The following NEGR1 variants were observed in gnomAD, a reference collection of about 807,000 sequenced individuals.
NEGR1 encodes IgLON family member 4.
In NEGR1, 10 loss-of-function variants were observed where a neutral mutation model predicts 40.9. The observed-to-expected ratio is 0.24, with a 90% CI of 0.15 to 0.42. The LOEUF is 0.42. Among genes scored for constraint, NEGR1 ranks in the 10% least tolerant of loss-of-function variants. The pLI is 1.00. For synonymous variants in NEGR1, 185 were observed against 166.8 expected (o/e 1.11, Z -0.84); for missense variants, 352 against 438.9 (o/e 0.80, Z 1.77).
At chr1:71,650,122 A>G (rs1651662402) in intron 4 of NEGR1, among the ~76,000 whole-genome samples, 1 of 152,138 alleles carries the variant, frequency 6.6e-6, no homozygotes. Flanking sequence ...ATCTTCAAAT[A>G]AAAAGAAATG....
intron 6 of NEGR1, among the ~76,000 whole-genome samples, chr1:71,584,849 T>G (rs1649250975): frequency 6.6e-6 from 1 of 152,166 alleles, no homozygotes; most frequent in Non-Finnish European, 1.5e-5. Flanking sequence ...TACAAAGTCC[T>G]AATAGTCACA....
intron 2 of NEGR1, among the ~76,000 whole-genome samples, chr1:71,861,001 T>C (rs529033604): frequency 2.6e-5 from 4 of 152,206 alleles, no homozygotes; most frequent in African/African-American, 9.6e-5. Flanking sequence ...TGCTAACGAT[T>C]AAAAGCTAAG....
chr1:72,248,607 T>TC (rs1654984599), intron 1 of NEGR1, among the ~76,000 whole-genome samples: 1 of 147,126 alleles, frequency 6.8e-6, no homozygotes, highest in African/African-American at 2.5e-5. Flanking sequence ...TTATTATTAT[T>TC]ATTATTATTT....
rs146383606 is a variant in NEGR1 at position 71,409,295 on chromosome 1, A to G, written c.941-1725T>C. 2.3e-3 allele frequency among the ~76,000 whole-genome samples: 352 copies of G among 152,124 alleles called. 3 individuals carry two copies. Among genetic ancestry groups the G allele is most frequent in the African/African-American group, 8.2e-3 (340 of 41,542 alleles). ...TGACCTTCTCAATAGTAGTTATGCT[A>G]GAGTTGTTTTTCAAGAATGTCAAGT... On this transcript the variant is annotated intron_variant, in intron 6 of 6. Coordinates refer to ENST00000357731, the MANE Select transcript of NEGR1 (RefSeq NM_173808.3).
intron 6 of NEGR1, among the ~76,000 whole-genome samples, chr1:71,502,503 G>A (rs1035622814): frequency 4.6e-5 from 7 of 152,124 alleles, no homozygotes; most frequent in African/African-American, 1.7e-4. Flanking sequence ...CTTTGGATTT[G>A]GATGGGTGAA....
intron 5 of NEGR1, among the ~76,000 whole-genome samples, chr1:71,594,848 T>C (rs1375816903): frequency 6.6e-6 from 1 of 152,218 alleles, no homozygotes; most frequent in East Asian, 1.9e-4. Flanking sequence ...ATCTTTGTGA[T>C]AGACACATTC....
intron 6 of NEGR1, among the ~76,000 whole-genome samples, chr1:71,487,698 T>C (rs1646896025): frequency 6.6e-6 from 1 of 151,776 alleles, no homozygotes; most frequent in Admixed American, 6.6e-5. Context: ...ATTTTGCTTA[T>C]GAGTAGTTTG....
At chr1:72,178,341 C>T (rs564888174) in intron 1 of NEGR1, among the ~76,000 whole-genome samples, 1 of 151,838 alleles carries the variant, frequency 6.6e-6, no homozygotes, top group African/African-American at 2.4e-5. Context: ...ATTTATTGGT[C>T]CACTTCTTCT....
chr1:71,531,661 C>T (rs1647358950), intron 6 of NEGR1, among the ~76,000 whole-genome samples: 2 of 151,236 alleles, frequency 1.3e-5, no homozygotes, highest in African/African-American at 4.8e-5. Flanking sequence ...AAATGGGAAA[C>T]TGTTATTAAT....
intron 4 of NEGR1, among the ~76,000 whole-genome samples, chr1:71,645,676 A>T (rs144248092): frequency 1.6e-4 from 24 of 151,952 alleles, no homozygotes; most frequent in African/African-American, 5.5e-4. Flanking sequence ...GGAGGAAATG[A>T]CTAAGTCTGA....
chr1:72,087,396 A>C lies in NEGR1; in HGVS notation c.177-152085T>G, dbSNP rs1648264128. ...CAGTGAGCCAAGATTGCGCCACTGC[A>C]CTCCAGCTTGGGCGACAGAGTGAGA... On this transcript the variant is annotated intron_variant, in intron 1 of 6. Transcript: ENST00000357731. Among the ~76,000 whole-genome samples the C allele has an allele frequency of 1.3e-5, 2 of 151,740 alleles. 1 individual carries two copies. The highest frequency in any genetic ancestry group is 4.2e-4 in the South Asian group (2 of 4,808).
At chr1:72,169,690 AC>A (rs1651891964) in intron 1 of NEGR1, among the ~76,000 whole-genome samples, 1 of 152,066 alleles carries the variant, frequency 6.6e-6, no homozygotes, top group South Asian at 2.1e-4. Flanking sequence ...TTTATGCCAA[AC>A]TCTCCATTAA....
intron 6 of NEGR1, among the ~76,000 whole-genome samples, chr1:71,465,923 T>C (rs1646742472): frequency 6.6e-6 from 1 of 152,006 alleles, no homozygotes. Context: ...ATAAAGGATA[T>C]TAGGAAAAAT....
At chr1:71,942,797 C>T (rs887783016) in intron 1 of NEGR1, among the ~76,000 whole-genome samples, 7 of 148,846 alleles carry the variant, frequency 4.7e-5, no homozygotes, top group African/African-American at 1.5e-4. Flanking sequence ...CCACCGCGCC[C>T]GGCCTAAATC....
At chr1:72,131,703 T>C (rs1650257538) in intron 1 of NEGR1, among the ~76,000 whole-genome samples, 1 of 152,192 alleles carries the variant, frequency 6.6e-6, no homozygotes, top group African/African-American at 2.4e-5. Context: ...TAAATGTAAA[T>C]TAGGTGATAA....
At position 71,831,724 on chromosome 1, in the gene NEGR1, C is replaced by A. The variant is rs184483916; in HGVS notation, c.410-55427G>T. Among the ~76,000 whole-genome samples, 29 of 151,208 alleles carry A rather than the reference C, an allele frequency of 1.9e-4. 1 individual carries two copies. Among genetic ancestry groups the A allele is most frequent in the Admixed American group, 1.9e-3 (29 of 15,140 alleles). ...ATTGGCTAGAGGACAGTGGGAGGAT[C>A]GAACTCATGTTGGTCCCTGGGGATG... On this transcript the variant is annotated intron_variant, in intron 2 of 6. Coordinates refer to ENST00000357731, the MANE Select transcript of NEGR1 (RefSeq NM_173808.3).
chr1:71,655,662 G>T (rs1222570479), intron 4 of NEGR1, among the ~76,000 whole-genome samples: 1 of 152,088 alleles, frequency 6.6e-6, no homozygotes, highest in Non-Finnish European at 1.5e-5. Context: ...TACTTGATGA[G>T]GGTGGGTTGC....
At chr1:72,140,854 C>T (rs1650649190) in intron 1 of NEGR1, among the ~76,000 whole-genome samples, 1 of 151,808 alleles carries the variant, frequency 6.6e-6, no homozygotes, top group East Asian at 1.9e-4. Context: ...TTTACTCATT[C>T]ACTCATTCAG....
chr1:71,975,633 A>G (rs1349463644), intron 1 of NEGR1, among the ~76,000 whole-genome samples: 3 of 152,214 alleles, frequency 2.0e-5, no homozygotes, highest in African/African-American at 7.2e-5. Context: ...AATCTTCCTT[A>G]AAACATAATC....
Sources: allele counts gnomAD v4.1 joint callset (sites outside exome capture counted in the v4.1 genomes callset), GRCh38; gene constraint gnomAD v4.1.1; transcripts MANE v1.5; gene names NCBI Gene and HGNC (gene_info 2026-07-23, HGNC 2026-07-21).